The following RAP1GAP2 variants were observed in gnomAD, a reference collection of about 807,000 sequenced individuals.
RAP1GAP2 encodes rap1 GTPase-activating protein 2.
In RAP1GAP2, 27 loss-of-function variants were observed where a neutral mutation model predicts 95.0. The ratio of observed to expected loss-of-function variants is 0.28; its 90% CI spans 0.21 to 0.39. RAP1GAP2 has a LOEUF of 0.39. Among genes scored for constraint, RAP1GAP2 ranks in the 10% least tolerant of loss-of-function variants. The pLI is 1.00. For synonymous variants in RAP1GAP2, 373 were observed against 380.9 expected (o/e 0.98, Z 0.24); for missense variants, 771 against 970.0 (o/e 0.79, Z 2.72).
At chr17:2,905,801 T>C (rs966106399) in intron 3 of RAP1GAP2, among the ~76,000 whole-genome samples, 2 of 152,168 alleles carry the variant, frequency 1.3e-5, no homozygotes, top group Non-Finnish European at 2.9e-5. Flanking sequence ...GCAGTCCCCA[T>C]GGAAGGGTTG....
intron 22 of RAP1GAP2, among the ~76,000 whole-genome samples, chr17:3,030,072 A>G (rs1158475891): frequency 1.4e-5 from 2 of 148,032 alleles, no homozygotes; most frequent in Non-Finnish European, 3.0e-5. Flanking sequence ...GTATATACAT[A>G]TAATATACAT....
rs1012337368 is a variant in RAP1GAP2 at position 3,032,587 on chromosome 17, G to A, written c.*30+138G>A. On this transcript the variant is annotated intron_variant, in intron 24 of 24. Coordinates refer to ENST00000254695, the MANE Select transcript of RAP1GAP2 (RefSeq NM_015085.5). ...GGGATGTCCAAAGAGTCTCCTACTC[G>A]CCCCTGAAGACCTGCAATGGGGAAG... The A allele has an allele frequency of 2.7e-5, 23 of 842,118 alleles. No homozygotes were observed. The Middle Eastern group carries it at 1.0e-3, about 37-fold the overall frequency. 52.2% of individuals were successfully genotyped at this position (842,118 alleles called of 1,614,324 possible). A position where few individuals can be genotyped will look rare whatever the true frequency, so the allele number is the denominator to read the frequency against.
upstream of RAP1GAP2, among the ~76,000 whole-genome samples, chr17:2,796,149 A>G (rs2069073688): frequency 6.6e-6 from 1 of 152,012 alleles, no homozygotes. The surrounding 1 kb of genome is among the most constrained non-coding windows in gnomAD (Gnocchi z 4.7). Context: ...TGTCCCTCCT[A>G]GGCGTGGCTG....
At chr17:2,877,666 G>C (rs1469752818) in intron 2 of RAP1GAP2, among the ~76,000 whole-genome samples, 1 of 152,202 alleles carries the variant, frequency 6.6e-6, no homozygotes, top group Non-Finnish European at 1.5e-5. Context: ...CATGAGGATT[G>C]CTTGAACCTG....
Position 2,904,486 on chromosome 17 carries a change from C to T in RAP1GAP2, c.81-798C>T, listed in dbSNP as rs535802062. On this transcript the variant is annotated intron_variant, in intron 2 of 24. Transcript: ENST00000254695. The surrounding 1 kb of genome is among the most constrained non-coding windows in gnomAD (Gnocchi z 4.7). ...AAGTTAAGTTTTACCTGCGGTTGCACGGCAGGCAGCCCTGTCTCCCGAGGA... is the reference window on the plus strand; with the variant it reads ...AAGTTAAGTTTTACCTGCGGTTGCATGGCAGGCAGCCCTGTCTCCCGAGGA... 7.2e-5 allele frequency among the ~76,000 whole-genome samples: 11 copies of T among 151,892 alleles called. No individual in the cohort carries two copies. The East Asian group carries it at 1.7e-3, about 24-fold the overall frequency.
chr17:3,021,171 A>G (rs2046944017), intron 19 of RAP1GAP2, among the ~76,000 whole-genome samples: 1 of 152,144 alleles, frequency 6.6e-6, no homozygotes, highest in African/African-American at 2.4e-5. Flanking sequence ...TGATCTTTTG[A>G]GTTAGGAACA....
intron 12 of RAP1GAP2, among the ~76,000 whole-genome samples, chr17:2,993,091 A>C (rs1270214571): frequency 6.6e-6 from 1 of 150,598 alleles, no homozygotes; most frequent in African/African-American, 2.4e-5. Flanking sequence ...GCATGGTGGC[A>C]GGTGCCTGTC....
chr17:2,984,881 A>G (rs2045501146), intron 10 of RAP1GAP2, 102 bp from the exon 11 acceptor site: 2 of 1,550,878 alleles, frequency 1.3e-6, no homozygotes, highest in Admixed American at 1.8e-5. Context: ...ATACCAGGGA[A>G]CACATTCTCT....
intron 2 of RAP1GAP2, among the ~76,000 whole-genome samples, chr17:2,815,583 G>A (rs911788777): frequency 6.6e-6 from 1 of 151,872 alleles, no homozygotes; most frequent in African/African-American, 2.4e-5. Context: ...CCCGGTTCAA[G>A]CGATTCTCCT....
In RAP1GAP2 at chr17:2,963,933, C is replaced by A. The variant is rs369295361; in HGVS notation, c.357C>A (p.Asn119Lys). The change falls in exon 7 of 25, where the codon AAC becomes AAA. Residue 119 changes from asparagine (N) to lysine (K), a missense_variant. By Grantham distance (94) the Asn-to-Lys change is moderately conservative. Coordinates refer to ENST00000254695, the MANE Select transcript of RAP1GAP2 (RefSeq NM_015085.5). The surrounding 1 kb of genome is among the most constrained non-coding windows in gnomAD (Gnocchi z 4.8). ...GCTATTGGATCGAGGACCCGGAGAA[C>A]GTGGGCACCCCAACATCGCTGGGGA... Reference protein sequence around the residue: ...FGGYWIEDPENVGTPTSLGSS... With the variant: ...FGGYWIEDPEKVGTPTSLGSS... The A allele has an allele frequency of 6.2e-7, 1 of 1,613,278 alleles. No homozygotes were observed. The highest frequency in any genetic ancestry group is 1.1e-5 in the South Asian group (1 of 91,068).
chr17:2,948,021 T>C (rs1313282980), intron 3 of RAP1GAP2, among the ~76,000 whole-genome samples: 1 of 152,162 alleles, frequency 6.6e-6, no homozygotes. Flanking sequence ...GCTGTTGATG[T>C]AGCCTTGTCC....
intron 3 of RAP1GAP2, among the ~76,000 whole-genome samples, chr17:2,909,660 A>G (rs1056170609): frequency 5.3e-5 from 8 of 152,192 alleles, no homozygotes; most frequent in African/African-American, 1.9e-4. Context: ...GCCTCAGGGA[A>G]AGCTCAGCAG....
At chr17:2,940,372 T>C (rs1416458697) in intron 3 of RAP1GAP2, among the ~76,000 whole-genome samples, 1 of 152,210 alleles carries the variant, frequency 6.6e-6, no homozygotes, top group Non-Finnish European at 1.5e-5. Flanking sequence ...AACTCACTTC[T>C]GTGTTCCTCT....
At chr17:2,800,593 G>A (rs377710071) in intron 2 of RAP1GAP2, 43 bp downstream of exon 2, 122 of 1,594,984 alleles carry the variant, frequency 7.6e-5, no homozygotes, top group South Asian at 6.4e-4. Flanking sequence ...GAGATGACGC[G>A]GATCAGAGCG....
rs572239963 is a variant in RAP1GAP2 at position 2,807,352 on chromosome 17, C to T, written c.80+6802C>T. Among the ~76,000 whole-genome samples the T allele has an allele frequency of 7.9e-5, 12 of 152,334 alleles. No homozygotes were observed. The South Asian group carries it at 2.5e-3, about 32-fold the overall frequency. On this transcript the variant is annotated intron_variant, in intron 2 of 24. Coordinates refer to ENST00000254695, the MANE Select transcript of RAP1GAP2 (RefSeq NM_015085.5). ...GTTCTAGAACCCTCTGGGGCCAACT[C>T]ATCTTAGTCTGCTCTTCTCCTACAC... is the stretch of plus-strand genomic sequence containing the variant.
In RAP1GAP2 at chr17:2,920,003, C is replaced by CTTTTTTTTTTTTTTTT. The variant is rs1218062080; in HGVS notation, c.165+14641_165+14642insTTTTTTTTTTTTTTTT. On this transcript the variant is annotated intron_variant, in intron 3 of 24. Coordinates refer to ENST00000254695, the MANE Select transcript of RAP1GAP2 (RefSeq NM_015085.5). Reference sequence around the variant, plus strand: ...GGCGTGAGCCGCCGCATCTGGCCTCCTTTTTTCTTTTTTTTTTTTTTTTGA... The same window carrying CTTTTTTTTTTTTTTTT: ...GGCGTGAGCCGCCGCATCTGGCCTCCTTTTTTTTTTTTTTTTTTTTTTCTTTTTTTTTTTTTTTTGA... 2.2e-5 allele frequency among the ~76,000 whole-genome samples: 3 copies of CTTTTTTTTTTTTTTTT among 133,984 alleles called. 1 individual carries two copies. The highest frequency in any genetic ancestry group is 9.8e-5 in the African/African-American group (3 of 30,610). 87.9% of individuals were successfully genotyped at this position (133,984 alleles called of 152,430 possible). A position where few individuals can be genotyped will look rare whatever the true frequency, so the allele number is the denominator to read the frequency against.
At chr17:2,801,753 T>G (rs1597335540) in intron 2 of RAP1GAP2, among the ~76,000 whole-genome samples, 1 of 152,110 alleles carries the variant, frequency 6.6e-6, no homozygotes, top group East Asian at 1.9e-4. Context: ...GTGTGGGAAT[T>G]ACCTGCCTCG....
In RAP1GAP2 at chr17:2,964,171, G is replaced by C. The variant is rs1056466560; in HGVS notation, c.492+103G>C. On this transcript the variant is annotated intron_variant, in intron 7 of 24. Coordinates refer to ENST00000254695, the MANE Select transcript of RAP1GAP2 (RefSeq NM_015085.5). ...TAGGGGATGGGGAGAGGTTGAGGGA[G>C]GCTGTGGGAGGCTGTGGGAGAGGAG... The C allele has an allele frequency of 2.9e-6, 3 of 1,027,022 alleles. No individual in the cohort carries two copies. In the South Asian group the frequency reaches 4.9e-5, roughly 17 times the overall value. 63.6% of individuals were successfully genotyped at this position (1,027,022 alleles called of 1,614,324 possible). A position where few individuals can be genotyped will look rare whatever the true frequency, so the allele number is the denominator to read the frequency against.
At chr17:2,985,171 A>G in intron 11 of RAP1GAP2, 105 bp downstream of exon 11, 2 of 1,540,522 alleles carry the variant, frequency 1.3e-6, no homozygotes, top group South Asian at 1.3e-5. Context: ...GTTCTGAAGC[A>G]TTTGGAATAC....
Sources: allele counts gnomAD v4.1 joint callset (sites outside exome capture counted in the v4.1 genomes callset), GRCh38; gene constraint gnomAD v4.1.1; non-coding constraint Gnocchi (gnomAD v3.1); transcripts MANE v1.5; gene names NCBI Gene and HGNC (gene_info 2026-07-23, HGNC 2026-07-21).